The following PRDM16 variants were observed in gnomAD, a reference collection of about 807,000 sequenced individuals.
The protein encoded by PRDM16 is PR/SET domain 16.
In PRDM16, 23 loss-of-function variants were observed where a neutral mutation model predicts 110.6. The observed-to-expected ratio is 0.21, with a 90% CI of 0.15 to 0.29. The LOEUF (loss-of-function observed/expected upper bound fraction) is 0.29, where lower values mean the gene tolerates loss of function less well. Among genes scored for constraint, PRDM16 ranks in the 10% least tolerant of loss-of-function variants. The pLI is 1.00. For missense variants in PRDM16, 1,615 were observed against 1,794.3 expected (o/e 0.90, Z 1.81); for synonymous variants, 799 against 781.8 (o/e 1.02, Z -0.37).
intron 1 of PRDM16, among the ~76,000 whole-genome samples, chr1:3,169,521 T>C (rs1407805659): frequency 6.6e-6 from 1 of 152,198 alleles, no homozygotes; most frequent in Non-Finnish European, 1.5e-5. Flanking sequence ...GGCTTCTCTG[T>C]GCCTCAGTTT....
At chr1:3,118,791 G>A (rs545831369) in intron 1 of PRDM16, among the ~76,000 whole-genome samples, 8 of 152,324 alleles carry the variant, frequency 5.3e-5, no homozygotes, top group African/African-American at 1.4e-4. Context: ...GCGTGTACAC[G>A]TTTGTGTGCA....
chr1:3,122,206 G>T (rs1368336519), intron 1 of PRDM16, among the ~76,000 whole-genome samples: 1 of 152,078 alleles, frequency 6.6e-6, no homozygotes, highest in Admixed American at 6.5e-5. Flanking sequence ...CCGGCCTCCC[G>T]TGCAGTGCTG....
rs549278442 is a variant in PRDM16 at position 3,413,443 on chromosome 1, C to T, written c.2603+643C>T. Among the ~76,000 whole-genome samples the T allele has an allele frequency of 5.9e-5, 9 of 152,120 alleles. No individual in the cohort carries two copies. In the South Asian group the frequency reaches 1.9e-3, roughly 32 times the overall value. On this transcript the variant is annotated intron_variant, in intron 9 of 16. Coordinates refer to ENST00000270722, the MANE Select transcript of PRDM16 (RefSeq NM_022114.4). ...CTCTGATGCCTCTCTTGGGGAAAGG[C>T]GAGTTTAATGCCACTCCCTAATTTC...
chr1:3,351,798 C>T (rs1340910333), intron 3 of PRDM16, among the ~76,000 whole-genome samples: 1 of 142,186 alleles, frequency 7.0e-6, no homozygotes, highest in Admixed American at 7.0e-5. Flanking sequence ...TCTCTCTCAC[C>T]ATAGCCCCTC....
In PRDM16 at chr1:3,332,420, C is replaced by T. The variant is rs1441027919; in HGVS notation, c.439-52732C>T. ...TGGGGGGCTCGGGGCTGGGGGAGGC[C>T]GTGGGGCGGCTAGGGAGCGGTGGGG... On this transcript the variant is annotated intron_variant, in intron 3 of 16. Transcript: ENST00000270722. Among the ~76,000 whole-genome samples, 4 of 127,982 alleles carry T rather than the reference C, an allele frequency of 3.1e-5. No individual in the cohort carries two copies. The East Asian group carries it at 7.7e-4, about 25-fold the overall frequency. The allele number at this position is 127,982 out of a possible 152,430, so 84.0% of individuals were successfully genotyped here.
rs1191259018 is a variant in PRDM16, at chr1:3,143,894, T to C, written c.38-42231T>C. Among the ~76,000 whole-genome samples, 1 of 152,180 alleles carries C rather than the reference T, an allele frequency of 6.6e-6. No individual in the cohort carries two copies. Among genetic ancestry groups the C allele is most frequent in the Admixed American group, 6.5e-5 (1 of 15,278 alleles). ...GATGGAGGAGGAGGGACTGGCAAGCTTGGGGTTCCTGGGGCATCTTGTCAT... is the reference window on the plus strand; with the variant it reads ...GATGGAGGAGGAGGGACTGGCAAGCCTGGGGTTCCTGGGGCATCTTGTCAT... On this transcript the variant is annotated intron_variant, in intron 1 of 16. Coordinates refer to ENST00000270722, the MANE Select transcript of PRDM16 (RefSeq NM_022114.4). The surrounding 1 kb of genome is among the most constrained non-coding windows in gnomAD (Gnocchi z 4.5).
intron 4 of PRDM16, among the ~76,000 whole-genome samples, chr1:3,387,607 G>A (rs548370417): frequency 1.1e-4 from 16 of 152,270 alleles, no homozygotes; most frequent in Non-Finnish European, 1.8e-4. Flanking sequence ...CCATGTCCCC[G>A]CAAAGGTGCA....
chr1:3,335,518 T>C (rs1410879153), intron 3 of PRDM16, among the ~76,000 whole-genome samples: 1 of 151,880 alleles, frequency 6.6e-6, no homozygotes, highest in Non-Finnish European at 1.5e-5. Context: ...CTTTTAACTT[T>C]TGACTGGCCA....
chr1:3,268,295 C>T (rs1300357130), intron 3 of PRDM16, among the ~76,000 whole-genome samples: 1 of 152,172 alleles, frequency 6.6e-6, no homozygotes, highest in African/African-American at 2.4e-5. Context: ...TGTCAGGCTC[C>T]GAGCAATTAG....
intron 2 of PRDM16, among the ~76,000 whole-genome samples, chr1:3,191,015 G>C (rs1243311307): frequency 6.6e-6 from 1 of 152,032 alleles, no homozygotes; most frequent in African/African-American, 2.4e-5. Flanking sequence ...GGAGGCACTG[G>C]GGGCACTTTG....
chr1:3,425,758 A>T lies in PRDM16; in HGVS notation c.3109+8A>T, dbSNP rs1638585161. 3 of 1,613,152 alleles carry T rather than the reference A, an allele frequency of 1.9e-6. No individual in the cohort carries two copies. Among genetic ancestry groups the T allele is most frequent in the Non-Finnish European group, 2.5e-6 (3 of 1,179,818 alleles). ...AGCACGAGAACGCACCAGGTGGGCC[A>T]CGCGGGGTGGGGCAGCCCCCAGAGC... On this transcript the variant is annotated splice_region_variant and intron_variant, in intron 13 of 16. Transcript: ENST00000270722. This position sits in a 1 kb window ranked among gnomAD's most constrained non-coding sequence, Gnocchi z 6.9.
At chr1:3,249,956 T>C (rs1192302729) in intron 3 of PRDM16, among the ~76,000 whole-genome samples, 5 of 152,216 alleles carry the variant, frequency 3.3e-5, no homozygotes, top group Admixed American at 1.3e-4. Flanking sequence ...AATCAAAGGC[T>C]GCAGGCAGAG....
chr1:3,346,785 T>A (rs1570111156), intron 3 of PRDM16, among the ~76,000 whole-genome samples: 2 of 152,038 alleles, frequency 1.3e-5, no homozygotes, highest in Admixed American at 1.3e-4. Flanking sequence ...GGGAAGGGGC[T>A]CCTCTCACGT....
At chr1:3,276,396 C>A (rs532019358) in intron 3 of PRDM16, among the ~76,000 whole-genome samples, 30 of 152,340 alleles carry the variant, frequency 2.0e-4, no homozygotes, top group African/African-American at 7.0e-4. Context: ...CACCCCTGAA[C>A]CTCTGGGAGC....
In PRDM16 at chr1:3,377,723, T is replaced by C. The variant is rs560940099; in HGVS notation, c.439-7429T>C. Among the ~76,000 whole-genome samples the C allele has an allele frequency of 1.4e-4, 22 of 152,266 alleles. No homozygotes were observed. The South Asian group carries it at 3.3e-3, about 23-fold the overall frequency. ...GGAGAGAGACACAGCCCAGTGGCCA[T>C]GGTGGCCTCCAGATCACTACCTGCT... On this transcript the variant is annotated intron_variant, in intron 3 of 16. Transcript: ENST00000270722.
At chr1:3,266,294 C>G (rs1296835476) in intron 3 of PRDM16, among the ~76,000 whole-genome samples, 2 of 152,210 alleles carry the variant, frequency 1.3e-5, no homozygotes, top group East Asian at 3.9e-4. Context: ...CTGCCTGGCA[C>G]AGCCGGACGC....
chr1:3,155,009 T>C (rs1412217818), intron 1 of PRDM16, among the ~76,000 whole-genome samples: 3 of 152,226 alleles, frequency 2.0e-5, no homozygotes, highest in Non-Finnish European at 4.4e-5. Flanking sequence ...TCCCAGACCC[T>C]GAAGCCTGCC....
intron 2 of PRDM16, among the ~76,000 whole-genome samples, chr1:3,210,723 A>G (rs527986877): frequency 1.3e-5 from 2 of 152,362 alleles, no homozygotes; most frequent in South Asian, 4.1e-4. Context: ...TTCACAAGAT[A>G]TACATCCACT....
intron 3 of PRDM16, among the ~76,000 whole-genome samples, chr1:3,335,879 G>T (rs925347330): frequency 6.6e-6 from 1 of 152,204 alleles, no homozygotes; most frequent in Non-Finnish European, 1.5e-5. Flanking sequence ...CTGCACTGAA[G>T]TGTGGGAGAG....
Sources: gnomAD v4.1 joint callset for allele counts (sites outside exome capture counted in the v4.1 genomes callset) on GRCh38, gnomAD v4.1.1 for gene constraint, Gnocchi (gnomAD v3.1) non-coding constraint, MANE v1.5 for transcripts, NCBI Gene and HGNC (gene_info 2026-07-23, HGNC 2026-07-21) for gene names.